PCDHGB5: variants seen among roughly 807,000 people sequenced by gnomAD.
The protein encoded by PCDHGB5 is protocadherin gamma-B5.
In PCDHGB5, 48 loss-of-function variants were observed where a neutral mutation model predicts 62.9. The observed-to-expected ratio is 0.76, with a 90% CI of 0.61 to 0.97. The LOEUF is 0.97. PCDHGB5 is among the 50% of genes least tolerant of loss of function. The pLI is 0.00. For synonymous variants in PCDHGB5, 474 were observed against 511.2 expected, an observed-to-expected ratio of 0.93 and a Z score of 0.98; for missense variants, 1,118 against 1,198.6, an observed-to-expected ratio of 0.93 and a Z score of 0.99.
At chr5:141,427,999 T>C (rs1319115693) in intron 1 of PCDHGB5, 9 of 1,601,068 alleles carry the variant, frequency 5.6e-6, no homozygotes, top group African/African-American at 1.3e-5. Context: ...GGCTCCGCAC[T>C]CTTCGATATA....
intron 1 of PCDHGB5, chr5:141,428,598 C>T (rs2097150047): frequency 4.5e-6 from 1 of 224,296 alleles, no homozygotes; most frequent in African/African-American, 2.3e-5. Context: ...TAGCAAGCTT[C>T]ACTGAAGAGA....
At chr5:141,488,951 A>G (rs2099680664) in intron 1 of PCDHGB5, among the ~76,000 whole-genome samples, 1 of 152,118 alleles carries the variant, frequency 6.6e-6, no homozygotes, top group Admixed American at 6.5e-5. Flanking sequence ...ATTGGTTGAG[A>G]GCACACAGAC....
intron 1 of PCDHGB5, chr5:141,411,955 A>C (rs1427605209): frequency 6.6e-5 from 10 of 152,244 alleles, no homozygotes; most frequent in African/African-American, 1.2e-4. Context: ...TTTGAAGAAA[A>C]AAGATAAAAT....
rs200601557 is a variant in PCDHGB5, at chr5:141,432,538, G to A, written c.2397+32014G>A. 5.0e-6 allele frequency: 8 copies of A among 1,613,908 alleles called. No homozygotes were observed. The highest frequency in any genetic ancestry group is 1.7e-5 in the Admixed American group (1 of 60,012). On this transcript the variant is annotated intron_variant, in intron 1 of 3. Coordinates refer to ENST00000617380, the MANE Select transcript of PCDHGB5 (RefSeq NM_018925.3). The surrounding 1 kb of genome is among the most constrained non-coding windows in gnomAD (Gnocchi z 6.0). ...GCTACCTGGTGACCAAGGTGGTGGCGGTGGACAGAGACTCCGGCCAGAACG... is the reference window on the plus strand; with the variant it reads ...GCTACCTGGTGACCAAGGTGGTGGCAGTGGACAGAGACTCCGGCCAGAACG...
rs368168278 is a variant in PCDHGB5, at chr5:141,419,810, C to T, written c.2397+19286C>T. On this transcript the variant is annotated intron_variant, in intron 1 of 3. Coordinates refer to ENST00000617380, the MANE Select transcript of PCDHGB5 (RefSeq NM_018925.3). ...GCTAGTCGCTGTAAGAGATGGAGGA[C>T]AGCCACCCCTTTCAGCCACTGCCAC... The T allele has an allele frequency of 3.1e-6, 5 of 1,613,946 alleles. No individual in the cohort carries two copies. The Admixed American group carries it at 8.3e-5, about 27-fold the overall frequency.
At chr5:141,451,597 C>CAAGG (rs1434393705) in intron 1 of PCDHGB5, among the ~76,000 whole-genome samples, 3 of 152,076 alleles carry the variant, frequency 2.0e-5, no homozygotes, top group Non-Finnish European at 2.9e-5. Flanking sequence ...AAGTGACATA[C>CAAGG]AAGGCTAGGC....
At chr5:141,406,332 G>A (rs957923011) in intron 1 of PCDHGB5, among the ~76,000 whole-genome samples, 4 of 152,142 alleles carry the variant, frequency 2.6e-5, no homozygotes, top group East Asian at 1.9e-4. Context: ...TTACTCCTAC[G>A]ATCATTTATT....
At chr5:141,401,835 T>C (rs983491795) in intron 1 of PCDHGB5, among the ~76,000 whole-genome samples, 2 of 152,326 alleles carry the variant, frequency 1.3e-5, no homozygotes, top group South Asian at 4.1e-4. Context: ...AGATTTCTTA[T>C]AATACCACTT....
intron 1 of PCDHGB5, chr5:141,428,374 C>G: frequency 1.9e-6 from 1 of 530,640 alleles, no homozygotes; most frequent in South Asian, 1.9e-5. Context: ...CTTGCACCTG[C>G]GATGCTCTTC....
chr5:141,506,294 C>T (rs1165174121), intron 3 of PCDHGB5, among the ~76,000 whole-genome samples: 1 of 151,888 alleles, frequency 6.6e-6, no homozygotes, highest in African/African-American at 2.4e-5. Context: ...ACTAAAAATA[C>T]AAAAATTAGC....
At chr5:141,470,388 T>C (rs1234907080) in intron 1 of PCDHGB5, among the ~76,000 whole-genome samples, 4 of 152,198 alleles carry the variant, frequency 2.6e-5, no homozygotes, top group African/African-American at 9.6e-5. Flanking sequence ...TACTCGATGA[T>C]ATTTAGGATT....
chr5:141,473,237 A>C (rs2099317600), intron 1 of PCDHGB5, among the ~76,000 whole-genome samples: 1 of 152,194 alleles, frequency 6.6e-6, no homozygotes, highest in African/African-American at 2.4e-5. Context: ...GATCCACACA[A>C]GTGAATACAT....
In PCDHGB5 at chr5:141,489,200, G is replaced by A. The variant is rs1483035320; in HGVS notation, c.2398-5607G>A. The A allele has an allele frequency of 2.8e-6, 4 of 1,412,792 alleles. No individual in the cohort carries two copies. The highest frequency in any genetic ancestry group is 3.9e-6 in the Non-Finnish European group (4 of 1,038,374). The allele number at this position is 1,412,792 out of a possible 1,614,324, so 87.5% of individuals were successfully genotyped here. A position where few individuals can be genotyped will look rare whatever the true frequency, so the allele number is the denominator to read the frequency against. On this transcript the variant is annotated intron_variant, in intron 1 of 3. Coordinates refer to ENST00000617380, the MANE Select transcript of PCDHGB5 (RefSeq NM_018925.3). This position sits in a 1 kb window ranked among gnomAD's most constrained non-coding sequence, Gnocchi z 4.5. ...AAGCCCTGGGTCTACCTTGGAGACAGGACAGCACAGACTTACTCTCCACAA... is the reference window on the plus strand; with the variant it reads ...AAGCCCTGGGTCTACCTTGGAGACAAGACAGCACAGACTTACTCTCCACAA...
rs1471863168 is a variant in PCDHGB5, at chr5:141,476,550, G to A, written c.2398-18257G>A. ...ACCCAGGAAATGAAATTGGAGATTA[G>A]CGAGGCCGTGGCTCCGGGGACGCGC... On this transcript the variant is annotated intron_variant, in intron 1 of 3. Transcript: ENST00000617380. The surrounding 1 kb of genome is among the most constrained non-coding windows in gnomAD (Gnocchi z 7.6). 1.2e-6 allele frequency: 2 copies of A among 1,614,110 alleles called. No individual in the cohort carries two copies. The highest frequency in any genetic ancestry group is 4.5e-5 in the East Asian group (2 of 44,884).
rs763451417 is a variant in PCDHGB5, at chr5:141,408,628, T to G, written c.2397+8104T>G. On this transcript the variant is annotated intron_variant, in intron 1 of 3. Transcript: ENST00000617380. The stretch of plus-strand genomic sequence containing the variant: ...ATAAAAAGGAAATACATTTAGAAAT[T>G]TTCGAATCTGCATCCGCTGGTACAC... The G allele has an allele frequency of 3.7e-6, 6 of 1,613,920 alleles. No individual in the cohort carries two copies. In the Admixed American group the frequency reaches 1.0e-4, roughly 27 times the overall value.
At chr5:141,456,777 A>G (rs572940615) in intron 1 of PCDHGB5, among the ~76,000 whole-genome samples, 2 of 152,214 alleles carry the variant, frequency 1.3e-5, no homozygotes, top group Admixed American at 6.5e-5. Flanking sequence ...AGCCTGGCCT[A>G]CATGGCAAAA....
chr5:141,454,088 T>C (rs2154564493), intron 1 of PCDHGB5, among the ~76,000 whole-genome samples: 1 of 152,342 alleles, frequency 6.6e-6, no homozygotes. Context: ...CAGTGAAATT[T>C]GAATTGAACA....
intron 1 of PCDHGB5, chr5:141,416,335 C>A (rs573998059): frequency 6.6e-6 from 1 of 152,256 alleles, no homozygotes; most frequent in Non-Finnish European, 1.5e-5. Flanking sequence ...ACTTTCATTG[C>A]TCAATAGGGA....
rs779871354 is a variant in PCDHGB5 at position 141,428,131 on chromosome 5, G to A, written c.2397+27607G>A. 8.7e-6 allele frequency: 14 copies of A among 1,602,720 alleles called. No homozygotes were observed. The South Asian group carries it at 1.5e-4, about 18-fold the overall frequency. On this transcript the variant is annotated intron_variant, in intron 1 of 3. Transcript: ENST00000617380. ...CAGGCCATCGAGCCCGGGCTTTTCA[G>A]CCTGGGGCTGCACACGGGAACCTGC...
Sources: gnomAD v4.1 joint callset for allele counts (sites outside exome capture counted in the v4.1 genomes callset) on GRCh38, gnomAD v4.1.1 for gene constraint, Gnocchi (gnomAD v3.1) non-coding constraint, MANE v1.5 for transcripts, NCBI Gene and HGNC (gene_info 2026-07-23, HGNC 2026-07-21) for gene names.